Variants in NDC1 observed in about 807,000 individuals in gnomAD.
The protein encoded by NDC1 is NDC1 transmembrane nucleoporin.
A neutral mutation model predicts 89.8 loss-of-function variants in NDC1; 24 were observed. The observed-to-expected ratio is 0.27, with a 90% confidence interval of 0.19 to 0.38. The LOEUF (loss-of-function observed/expected upper bound fraction) is 0.38, where lower values mean the gene tolerates loss of function less well. Among genes scored for constraint, NDC1 ranks in the 10% least tolerant of loss-of-function variants. The pLI is 1.00. For synonymous variants in NDC1, 296 were observed against 284.8 expected, an observed-to-expected ratio of 1.04 and a Z score of -0.39; for missense variants, 728 against 797.6, an observed-to-expected ratio of 0.91 and a Z score of 1.05.
At chr1:53,811,267 C>A (rs754888246) in intron 6 of NDC1, among the ~76,000 whole-genome samples, 2 of 152,196 alleles carry the variant, frequency 1.3e-5, no homozygotes, top group Non-Finnish European at 2.9e-5. Flanking sequence ...GGGCAAGAAG[C>A]CTCCTGGCCA....
chr1:53,832,539 C>A lies in NDC1; in HGVS notation c.231G>T (p.Leu77=). ...SSYVIFYFLL[L]SVVIIIISIF... ...TACTTATTATTATTATTACCACTGACAGCAGCAGGAAGTAAAAGATTACAT... is the reference window on the plus strand; with the variant it reads ...TACTTATTATTATTATTACCACTGAAAGCAGCAGGAAGTAAAAGATTACAT... Residue 77 remains leucine, a synonymous_variant, in exon 3 of 18, where the codon CTG becomes CTT. Transcript: ENST00000371429. 6.2e-7 allele frequency: 1 copy of A among 1,603,834 alleles called. No homozygotes were observed.
Position 53,779,277 on chromosome 1 carries a change from T to C in NDC1, c.1801-6788A>G, listed in dbSNP as rs147569483. ...ACTCTTCATAACCCTATGAGGTAGC[T>C]AGCTACCATTATCATCACTCCCATC... On this transcript the variant is annotated intron_variant, in intron 16 of 17. Transcript: ENST00000371429. 1.8e-3 allele frequency among the ~76,000 whole-genome samples: 277 copies of C among 152,254 alleles called. 2 individuals carry two copies. Among genetic ancestry groups the C allele is most frequent in the African/African-American group, 6.4e-3 (265 of 41,552 alleles).
intron 3 of NDC1, among the ~76,000 whole-genome samples, chr1:53,830,550 G>C (rs1274029412): frequency 6.6e-6 from 1 of 152,174 alleles, no homozygotes; most frequent in African/African-American, 2.4e-5. Flanking sequence ...ACAAGGAAGT[G>C]TTGAAGAACT....
chr1:53,818,832 C>A, intron 6 of NDC1, 139 bp downstream of exon 6: 1 of 544,356 alleles, frequency 1.8e-6, no homozygotes, highest in Non-Finnish European at 3.3e-6. Flanking sequence ...TTCTCTTTGA[C>A]AATTTAAACA....
At chr1:53,772,718 T>TAACATAACAA (rs1557562495) in intron 16 of NDC1, among the ~76,000 whole-genome samples, 4 of 122,468 alleles carry the variant, frequency 3.3e-5, no homozygotes, top group East Asian at 2.8e-4. Context: ...TAACATAACA[T>TAACATAACAA]AACAAAACAA....
At chr1:53,823,796 T>C (rs961160094) in intron 5 of NDC1, among the ~76,000 whole-genome samples, 1 of 152,192 alleles carries the variant, frequency 6.6e-6, no homozygotes, top group African/African-American at 2.4e-5. Flanking sequence ...GATTTCTAGA[T>C]AGGACTTTTT....
intron 11 of NDC1, among the ~76,000 whole-genome samples, chr1:53,799,639 G>A (rs955690629): frequency 7.2e-5 from 11 of 152,094 alleles, no homozygotes; most frequent in Non-Finnish European, 1.3e-4. Context: ...AAGACCGGAA[G>A]TTCACATATG....
chr1:53,787,672 A>G (rs1035533811), intron 15 of NDC1, among the ~76,000 whole-genome samples: 1 of 149,712 alleles, frequency 6.7e-6, no homozygotes, highest in Non-Finnish European at 1.5e-5. Context: ...TAGATAAATA[A>G]ATAAATAAAT....
intron 9 of NDC1, among the ~76,000 whole-genome samples, chr1:53,805,058 A>G (rs1173833817): frequency 6.6e-6 from 1 of 152,242 alleles, no homozygotes; most frequent in African/African-American, 2.4e-5. Context: ...TGAGTAACTG[A>G]TACTTTTAAG....
At chr1:53,772,661 A>ATAAC (rs1647125472) in intron 16 of NDC1, among the ~76,000 whole-genome samples, 172 bp from the exon 17 acceptor site, 1 of 137,740 alleles carries the variant, frequency 7.3e-6, no homozygotes, top group African/African-American at 2.8e-5. Flanking sequence ...CCTGTCTCAA[A>ATAAC]ATAACATAAC....
intron 6 of NDC1, among the ~76,000 whole-genome samples, chr1:53,815,700 A>C (rs1204510417): frequency 2.0e-5 from 3 of 152,092 alleles, no homozygotes; most frequent in Non-Finnish European, 4.4e-5. Flanking sequence ...TACCTTAAAA[A>C]CCCTAAGGGC....
intron 15 of NDC1, among the ~76,000 whole-genome samples, chr1:53,787,806 C>A (rs1284966708): frequency 2.0e-5 from 3 of 148,484 alleles, no homozygotes; most frequent in Non-Finnish European, 3.0e-5. Flanking sequence ...GCTTTACATT[C>A]TATTAGGAAG....
At chr1:53,826,277 T>C (rs1648858878) in intron 4 of NDC1, among the ~76,000 whole-genome samples, 1 of 152,198 alleles carries the variant, frequency 6.6e-6, no homozygotes, top group Admixed American at 6.5e-5. Context: ...TGCCATAACA[T>C]TGGGTTTGTG....
chr1:53,832,877 G>A (rs1557592222), intron 2 of NDC1, among the ~76,000 whole-genome samples: 1 of 152,056 alleles, frequency 6.6e-6, no homozygotes, highest in African/African-American at 2.4e-5. Flanking sequence ...CAGGTGTGGT[G>A]GTGCACACCT....
intron 7 of NDC1, among the ~76,000 whole-genome samples, chr1:53,808,507 C>T (rs1233757517): frequency 6.6e-6 from 1 of 152,170 alleles, no homozygotes; most frequent in African/African-American, 2.4e-5. Flanking sequence ...TTTAAAACAG[C>T]TTACATTAGG....
At chr1:53,832,118 A>G (rs1328420868) in intron 3 of NDC1, among the ~76,000 whole-genome samples, 1 of 152,174 alleles carries the variant, frequency 6.6e-6, no homozygotes, top group Non-Finnish European at 1.5e-5. Context: ...ATATTGTTGT[A>G]TAACCACTAC....
chr1:53,784,665 C>A (rs1364410316), intron 16 of NDC1, among the ~76,000 whole-genome samples: 2 of 152,196 alleles, frequency 1.3e-5, no homozygotes, highest in Non-Finnish European at 2.9e-5. Context: ...GTGGCAGACA[C>A]CTGTAGTCCC....
Position 53,767,919 on chromosome 1 carries a change from C to T in NDC1, c.*51G>A, listed in dbSNP as rs1345147770. ...TCCAAGAATGCTGAACATTTACTGT[C>T]CCATCTGTAGTTGTATCAGCAGTGT... On this transcript the variant is annotated 3_prime_UTR_variant, in exon 18 of 18. Transcript: ENST00000371429. The T allele has an allele frequency of 1.8e-6, 2 of 1,102,274 alleles. No homozygotes were observed. The highest frequency in any genetic ancestry group is 1.6e-5 in the African/African-American group (1 of 63,344). The allele number at this position is 1,102,274 out of a possible 1,614,324, so 68.3% of individuals were successfully genotyped here.
intron 16 of NDC1, among the ~76,000 whole-genome samples, chr1:53,779,060 T>C (rs2100626654): frequency 6.9e-6 from 1 of 145,610 alleles, no homozygotes; most frequent in Middle Eastern, 3.9e-3. Flanking sequence ...GGAGGATCAA[T>C]TAAGCCCAGC....
Sources: gnomAD v4.1 joint callset for allele counts (sites outside exome capture counted in the v4.1 genomes callset) on GRCh38, gnomAD v4.1.1 for gene constraint, MANE v1.5 for transcripts, NCBI Gene and HGNC (gene_info 2026-07-23, HGNC 2026-07-21) for gene names.